Variants in KIAA1549L observed in about 807,000 individuals in gnomAD.
KIAA1549L encodes the protein UPF0606 protein KIAA1549L.
KIAA1549L carries 88 observed loss-of-function variants against 160.7 expected under a neutral mutation model. The observed-to-expected ratio is 0.55, with a 90% CI of 0.46 to 0.65. The LOEUF (loss-of-function observed/expected upper bound fraction) is 0.65, where lower values mean the gene tolerates loss of function less well. Ranked by LOEUF, KIAA1549L falls within the 30% of genes least tolerant of loss-of-function variation. The probability of loss-of-function intolerance (pLI) is 0.00; values close to 1 mark genes in which losing one functional copy is unlikely to be tolerated. For missense variants in KIAA1549L, 2,258 were observed against 2,437.5 expected, an observed-to-expected ratio of 0.93 and a Z score of 1.55; for synonymous variants, 950 against 976.7, an observed-to-expected ratio of 0.97 and a Z score of 0.51.
rs1854137172 is a variant in KIAA1549L at position 33,543,983 on chromosome 11, A to G, written c.2420A>G (p.Asn807Ser). The change falls in exon 2 of 21, where the codon AAC becomes AGC. Residue 807 changes from asparagine to serine, a missense_variant. Asn to Ser is a conservative substitution (Grantham distance 46). This residue lies in a region of KIAA1549L where 287 missense variants were observed against 292.3 expected (regional missense o/e 0.98). Transcript: ENST00000658780. ...SHIDLWPTSN[N>S]NHSRDFQTAE... The stretch of plus-strand genomic sequence containing the variant: ...ATAGACCTCTGGCCCACAAGCAATA[A>G]CAACCATTCCAGAGACTTCCAAACA... 1 of 1,613,916 alleles carries G rather than the reference A, an allele frequency of 6.2e-7. No homozygotes were observed. Among genetic ancestry groups the G allele is most frequent in the African/African-American group, 1.3e-5 (1 of 74,936 alleles).
intron 1 of KIAA1549L, among the ~76,000 whole-genome samples, chr11:33,458,034 T>C (rs746538751): frequency 1.3e-5 from 2 of 152,162 alleles, no homozygotes; most frequent in Non-Finnish European, 2.9e-5. Context: ...GAGCAGACTA[T>C]GATGCCAGTG....
chr11:33,604,448 C>T (rs1850445415), intron 13 of KIAA1549L, among the ~76,000 whole-genome samples: 1 of 152,152 alleles, frequency 6.6e-6, no homozygotes, highest in Non-Finnish European at 1.5e-5. Flanking sequence ...CAGTCAATCC[C>T]ACTCCTGGGT....
At position 33,660,935 on chromosome 11, in the gene KIAA1549L, C is replaced by T. The variant is rs768516189; in HGVS notation, c.6080C>T (p.Thr2027Met). 91 of 1,613,662 alleles carry T rather than the reference C, an allele frequency of 5.6e-5. No individual in the cohort carries two copies. The highest frequency in any genetic ancestry group is 2.5e-4 in the East Asian group (11 of 44,874). ...RPGFTGYFIP[T>M]PPSSYRNQAW... ...GGCTTCACCGGCTACTTCATCCCAACGCCTCCCTCATCCTATAGGAACCAG... is the reference window on the plus strand; with the variant it reads ...GGCTTCACCGGCTACTTCATCCCAATGCCTCCCTCATCCTATAGGAACCAG... The change falls in exon 20 of 21, where the codon ACG (threonine) becomes ATG (methionine). Residue 2027 changes from threonine (T) to methionine (M), a missense_variant. This residue lies in a region of KIAA1549L where 1,359 missense variants were observed against 1,546.6 expected (regional missense o/e 0.88). Coordinates refer to ENST00000658780, the MANE Select transcript of KIAA1549L (RefSeq NM_012194.3).
chr11:33,585,147 T>C (rs1247378083), intron 11 of KIAA1549L, among the ~76,000 whole-genome samples: 2 of 152,226 alleles, frequency 1.3e-5, no homozygotes, highest in African/African-American at 2.4e-5. Context: ...AGGCACCTGC[T>C]TCCCAGACAC....
At chr11:33,599,394 A>G (rs1054583481) in intron 13 of KIAA1549L, 1 of 153,246 alleles carries the variant, frequency 6.5e-6, no homozygotes, top group African/African-American at 2.4e-5. Flanking sequence ...TCCCCTGATA[A>G]GTTTCATGGG....
chr11:33,462,039 G>A (rs1851952658), intron 1 of KIAA1549L, among the ~76,000 whole-genome samples: 1 of 152,218 alleles, frequency 6.6e-6, no homozygotes, highest in Non-Finnish European at 1.5e-5. Context: ...CTTCCAAAGA[G>A]AGTGTGAATC....
chr11:33,496,208 C>T (rs1385965231), intron 1 of KIAA1549L, among the ~76,000 whole-genome samples: 1 of 152,192 alleles, frequency 6.6e-6, no homozygotes, highest in Non-Finnish European at 1.5e-5. Context: ...AGGTGATCCA[C>T]CTGCCTCGGC....
intron 1 of KIAA1549L, among the ~76,000 whole-genome samples, chr11:33,379,545 A>G (rs1850030666): frequency 6.6e-6 from 1 of 152,176 alleles, no homozygotes; most frequent in African/African-American, 2.4e-5. Flanking sequence ...GCAAAATGGT[A>G]GAGCTCAAAT....
intron 16 of KIAA1549L, among the ~76,000 whole-genome samples, chr11:33,625,093 A>T (rs1164624977): frequency 1.3e-5 from 2 of 151,776 alleles, no homozygotes; most frequent in Non-Finnish European, 2.9e-5. Context: ...TGAACTCATC[A>T]TTTTTTATGG....
At chr11:33,464,474 A>ATGTGTG (rs3038997) in intron 1 of KIAA1549L, among the ~76,000 whole-genome samples, 20,617 of 140,028 alleles carry the variant, frequency 0.15, 1,503 homozygotes, top group East Asian at 0.18. Context: ...CTGTGTGTGC[A>ATGTGTG]TGTGTGTGTG....
chr11:33,446,956 G>A (rs1387134214), intron 1 of KIAA1549L, among the ~76,000 whole-genome samples: 6 of 152,166 alleles, frequency 3.9e-5, no homozygotes, highest in Admixed American at 3.3e-4. Flanking sequence ...CACAAGCATT[G>A]GTACCAGGAA....
rs1277082463 is a variant in KIAA1549L, at chr11:33,397,745, CACACACACACAA to C, written c.238+20858_238+20869del. Among the ~76,000 whole-genome samples, 61 of 127,660 alleles carry C rather than the reference CACACACACACAA, an allele frequency of 4.8e-4. 1 individual carries two copies. The South Asian group carries it at 0.014, about 28-fold the overall frequency. 83.7% of individuals were successfully genotyped at this position (127,660 alleles called of 152,430 possible). A position where few individuals can be genotyped will look rare whatever the true frequency, so the allele number is the denominator to read the frequency against. The stretch of plus-strand genomic sequence containing the variant: ...ACACACACACACACACACACACACA[CACACACACACAA>C]AAGTGAAAACATTTTTTTCTATTTA... On this transcript the variant is annotated intron_variant, in intron 1 of 20. Coordinates refer to ENST00000658780, the MANE Select transcript of KIAA1549L (RefSeq NM_012194.3).
intron 1 of KIAA1549L, among the ~76,000 whole-genome samples, chr11:33,540,412 A>G (rs1329205680): frequency 2.0e-5 from 3 of 152,260 alleles, no homozygotes; most frequent in Non-Finnish European, 2.9e-5. Flanking sequence ...AAAATGCAAA[A>G]GTACCTTATA....
chr11:33,479,157 C>T (rs1017658391), intron 1 of KIAA1549L, among the ~76,000 whole-genome samples: 1 of 152,120 alleles, frequency 6.6e-6, no homozygotes, highest in African/African-American at 2.4e-5. Context: ...AGAGGTAAAG[C>T]TGAGATCATG....
chr11:33,430,530 C>T (rs1851217038), intron 1 of KIAA1549L, among the ~76,000 whole-genome samples: 1 of 152,158 alleles, frequency 6.6e-6, no homozygotes, highest in Non-Finnish European at 1.5e-5. Context: ...ATTTGAAAAG[C>T]GATTTTACAT....
chr11:33,377,954 T>C (rs928937068), intron 1 of KIAA1549L, among the ~76,000 whole-genome samples: 1 of 152,230 alleles, frequency 6.6e-6, no homozygotes, highest in Non-Finnish European at 1.5e-5. Flanking sequence ...GTGCTTGTGC[T>C]TGCGAGTTAC....
At chr11:33,433,037 G>C (rs1484220962) in intron 1 of KIAA1549L, among the ~76,000 whole-genome samples, 1 of 152,176 alleles carries the variant, frequency 6.6e-6, no homozygotes, top group Non-Finnish European at 1.5e-5. Flanking sequence ...AAGACTTCAT[G>C]ACAAAAACGC....
rs138945983 is a variant in KIAA1549L at position 33,622,666 on chromosome 11, T to C, written c.5409+4004T>C. ...AACGCCAGGAGATAGAAATTAGCCATTTAGCCTCAACAGTACAGGAATGCA... is the reference window on the plus strand; with the variant it reads ...AACGCCAGGAGATAGAAATTAGCCACTTAGCCTCAACAGTACAGGAATGCA... On this transcript the variant is annotated intron_variant, in intron 16 of 20. Transcript: ENST00000658780. Among the ~76,000 whole-genome samples the C allele has an allele frequency of 4.6e-5, 7 of 152,262 alleles. No homozygotes were observed. The East Asian group carries it at 1.4e-3, about 29-fold the overall frequency.
Position 33,669,019 on chromosome 11 carries a change from G to A in KIAA1549L, c.*865G>A, listed in dbSNP as rs151265801. ...AGAATGGAGCTTCTCTTTTTCTTGG[G>A]ATAATAGATACATCAACTTTTACAA... is the stretch of plus-strand genomic sequence containing the variant. On this transcript the variant is annotated 3_prime_UTR_variant, in exon 21 of 21. Coordinates refer to ENST00000658780, the MANE Select transcript of KIAA1549L (RefSeq NM_012194.3). The A allele has an allele frequency of 1.3e-5, 2 of 152,088 alleles. No homozygotes were observed. Among genetic ancestry groups the A allele is most frequent in the Non-Finnish European group, 2.9e-5 (2 of 68,010 alleles). 9.4% of individuals were successfully genotyped at this position (152,088 alleles called of 1,614,324 possible).
Sources: gnomAD v4.1 joint callset for allele counts (sites outside exome capture counted in the v4.1 genomes callset) on GRCh38, gnomAD v4.1.1 for gene constraint, gnomAD v4.1.1 regional missense constraint, MANE v1.5 for transcripts, NCBI Gene and HGNC (gene_info 2026-07-23, HGNC 2026-07-21) for gene names.